Variants in TMC2 observed in about 807,000 individuals in gnomAD.
TMC2 encodes the protein transmembrane channel-like protein 2.
A neutral mutation model predicts 105.9 loss-of-function variants in TMC2; 102 were observed. The ratio of observed to expected loss-of-function variants is 0.96; its 90% CI spans 0.82 to 1.14. The LOEUF is 1.14. Among genes scored for constraint, TMC2 ranks in the 50% most tolerant of loss-of-function variants. The probability of loss-of-function intolerance (pLI) is 0.00; values close to 1 mark genes in which losing one functional copy is unlikely to be tolerated. For missense variants in TMC2, 1,093 were observed against 1,134.3 expected, an observed-to-expected ratio of 0.96 and a Z score of 0.52; for synonymous variants, 402 against 422.8, an observed-to-expected ratio of 0.95 and a Z score of 0.60.
chr20:2,626,606 T>C (rs776878339), intron 17 of TMC2, among the ~76,000 whole-genome samples: 1 of 152,224 alleles, frequency 6.6e-6, no homozygotes, highest in Non-Finnish European at 1.5e-5. Context: ...ACAGGAGTCA[T>C]AGTATTGTGG....
chr20:2,572,091 T>C (rs557198264), intron 4 of TMC2, 88 bp from the exon 5 acceptor site: 1 of 988,942 alleles, frequency 1.0e-6, no homozygotes, highest in African/African-American at 1.6e-5. Flanking sequence ...GACATAAGCC[T>C]TCACACATGT....
chr20:2,539,034 T>A (rs918410667), intron 2 of TMC2, among the ~76,000 whole-genome samples: 1 of 152,226 alleles, frequency 6.6e-6, no homozygotes, highest in African/African-American at 2.4e-5. Context: ...ATTTGGTAAG[T>A]GCACTGAACT....
intron 17 of TMC2, among the ~76,000 whole-genome samples, chr20:2,629,714 G>A (rs1415493084): frequency 6.6e-6 from 1 of 152,198 alleles, no homozygotes; most frequent in East Asian, 1.9e-4. Context: ...CACCCCCTTA[G>A]TCAGGTGCCT....
intron 17 of TMC2, among the ~76,000 whole-genome samples, chr20:2,634,491 T>C (rs568199500): frequency 6.6e-6 from 1 of 152,352 alleles, no homozygotes; most frequent in East Asian, 1.9e-4. Context: ...CCTCTGCTGC[T>C]GGCATGACAG....
chr20:2,559,570 T>C (rs1364511686), intron 3 of TMC2, among the ~76,000 whole-genome samples: 1 of 152,190 alleles, frequency 6.6e-6, no homozygotes, highest in Non-Finnish European at 1.5e-5. Context: ...TTGCAACAGT[T>C]GGGAATATTA....
Position 2,561,843 on chromosome 20 carries a change from TGGC to T in TMC2, c.402-14_402-12del, listed in dbSNP as rs1319187107. 6.2e-7 allele frequency: 1 copy of T among 1,610,006 alleles called. No individual in the cohort carries two copies. Among genetic ancestry groups the T allele is most frequent in the Non-Finnish European group, 8.5e-7 (1 of 1,178,180 alleles). On this transcript the variant is annotated splice_polypyrimidine_tract_variant and intron_variant, in intron 3 of 19. Transcript: ENST00000358864. The stretch of plus-strand genomic sequence containing the variant: ...TTCCAACTTCCCTCTGCCTCCGCCC[TGGC>T]TCTGCCTCCAGGTCATCCTCCTTGG...
intron 4 of TMC2, among the ~76,000 whole-genome samples, chr20:2,569,908 C>G (rs1345470394): frequency 6.6e-6 from 1 of 152,324 alleles, no homozygotes; most frequent in African/African-American, 2.4e-5. Context: ...AATATTCCTG[C>G]TCCACGTTTG....
At chr20:2,636,590 G>T (rs2086646857) in intron 18 of TMC2, among the ~76,000 whole-genome samples, 1 of 143,544 alleles carries the variant, frequency 7.0e-6, no homozygotes, top group Non-Finnish European at 1.5e-5. Context: ...CTTGCTACTG[G>T]TCCCCCCGTC....
At chr20:2,622,829 T>G (rs1226758414) in intron 16 of TMC2, among the ~76,000 whole-genome samples, 1 of 152,176 alleles carries the variant, frequency 6.6e-6, no homozygotes, top group Non-Finnish European at 1.5e-5. Flanking sequence ...GCTTATAACT[T>G]AACAGCACTA....
intron 10 of TMC2, among the ~76,000 whole-genome samples, chr20:2,597,705 T>C (rs985020221): frequency 1.3e-5 from 2 of 151,436 alleles, no homozygotes; most frequent in Non-Finnish European, 2.9e-5. Context: ...ACCATGTTGG[T>C]CAGGCTGGTC....
intron 5 of TMC2, among the ~76,000 whole-genome samples, chr20:2,574,039 G>T (rs985614784): frequency 6.6e-6 from 1 of 152,130 alleles, no homozygotes; most frequent in Non-Finnish European, 1.5e-5. Flanking sequence ...TAATGAGAAT[G>T]ACTCTAATGA....
intron 12 of TMC2, 134 bp from the exon 13 acceptor site, chr20:2,612,057 G>T: frequency 1.2e-6 from 1 of 829,184 alleles, no homozygotes; most frequent in Non-Finnish European, 1.8e-6. Flanking sequence ...AGGGAATTTT[G>T]GAAGGACTCT....
At chr20:2,632,857 G>A (rs1309120429) in intron 17 of TMC2, among the ~76,000 whole-genome samples, 2 of 152,194 alleles carry the variant, frequency 1.3e-5, no homozygotes, top group Admixed American at 6.5e-5. Flanking sequence ...CCAAAGTGCT[G>A]GGATTACAGG....
At chr20:2,584,703 T>C (rs1414064198) in intron 7 of TMC2, among the ~76,000 whole-genome samples, 3 of 152,172 alleles carry the variant, frequency 2.0e-5, no homozygotes, top group Non-Finnish European at 4.4e-5. Flanking sequence ...AGTATAATTT[T>C]TTTGTCTCAT....
At chr20:2,604,569 T>G (rs2146227032) in intron 11 of TMC2, among the ~76,000 whole-genome samples, 1 of 152,312 alleles carries the variant, frequency 6.6e-6, no homozygotes. Flanking sequence ...ATCTCTAAAG[T>G]GATCAGTGTT....
chr20:2,600,426 C>T (rs1165787197), intron 10 of TMC2, among the ~76,000 whole-genome samples: 1 of 152,140 alleles, frequency 6.6e-6, no homozygotes, highest in African/African-American at 2.4e-5. Flanking sequence ...GCCTGTAATC[C>T]CAGCACTTTG....
chr20:2,612,470 A>C, intron 13 of TMC2, 130 bp downstream of exon 13: 1 of 888,946 alleles, frequency 1.1e-6, no homozygotes, highest in Non-Finnish European at 1.6e-6. Flanking sequence ...TTTCATAATC[A>C]TCTAGGAGGA....
intron 4 of TMC2, among the ~76,000 whole-genome samples, chr20:2,566,195 A>C (rs2086063240): frequency 2.0e-5 from 3 of 152,222 alleles, no homozygotes; most frequent in Admixed American, 2.0e-4. Context: ...TCTGAGCCTA[A>C]TAATTCTCAC....
intron 18 of TMC2, 52 bp downstream of exon 18, chr20:2,636,056 G>T (rs755093626): frequency 6.5e-7 from 1 of 1,544,952 alleles, no homozygotes; most frequent in Non-Finnish European, 8.9e-7. Context: ...TCATGTTTTT[G>T]GTTTTTGCTA....
Sources: gnomAD v4.1 joint callset for allele counts (sites outside exome capture counted in the v4.1 genomes callset) on GRCh38, gnomAD v4.1.1 for gene constraint, MANE v1.5 for transcripts, NCBI Gene and HGNC (gene_info 2026-07-23, HGNC 2026-07-21) for gene names.